SYNRG: variants seen among roughly 807,000 people sequenced by gnomAD.
The protein encoded by SYNRG is synergin gamma.
Under a neutral mutation model 130.9 loss-of-function variants are expected in SYNRG, and 37 were observed. The observed-to-expected ratio is 0.28, with a 90% confidence interval of 0.22 to 0.37. The LOEUF (loss-of-function observed/expected upper bound fraction) is 0.37, where lower values mean the gene tolerates loss of function less well. Among genes scored for constraint, SYNRG ranks in the 10% least tolerant of loss-of-function variants. The pLI, the probability that SYNRG is intolerant of heterozygous loss-of-function variation, is 1.00. For synonymous variants in SYNRG, 539 were observed against 568.1 expected (o/e 0.95, Z 0.73); for missense variants, 1,338 against 1,588.9 (o/e 0.84, Z 2.68).
intron 14 of SYNRG, among the ~76,000 whole-genome samples, chr17:37,550,323 T>C (rs2058614452): frequency 6.6e-6 from 1 of 152,188 alleles, no homozygotes; most frequent in Admixed American, 6.5e-5. Flanking sequence ...ATTAATGGAA[T>C]TATAAGAAAC....
intron 2 of SYNRG, among the ~76,000 whole-genome samples, chr17:37,598,516 T>C (rs2062979433): frequency 6.6e-6 from 1 of 152,234 alleles, no homozygotes; most frequent in African/African-American, 2.4e-5. Context: ...GTAACTCAGA[T>C]ATCTGGCATA....
At chr17:37,579,933 TG>T (rs1373878763) in intron 6 of SYNRG, among the ~76,000 whole-genome samples, 9 of 152,146 alleles carry the variant, frequency 5.9e-5, no homozygotes, top group Non-Finnish European at 1.5e-5. Context: ...TTGCCCAAGC[TG>T]GTCTCGAGCT....
intron 1 of SYNRG, among the ~76,000 whole-genome samples, chr17:37,603,330 C>A (rs569473693): frequency 6.6e-6 from 1 of 152,098 alleles, no homozygotes; most frequent in East Asian, 1.9e-4. Flanking sequence ...ATAGTGAGAC[C>A]TCATCTCTCC....
chr17:37,516,706 A>G lies in SYNRG; in HGVS notation c.*2234T>C, dbSNP rs2054452186. On this transcript the variant is annotated 3_prime_UTR_variant, in exon 22 of 22. Coordinates refer to ENST00000612223, the MANE Select transcript of SYNRG (RefSeq NM_007247.6). Reference sequence around the variant, plus strand: ...AGAGACAGTGTCTCGCTCTGTCATCACCTACGCTGTCACGTGCAGCCTCAA... The same window carrying G: ...AGAGACAGTGTCTCGCTCTGTCATCGCCTACGCTGTCACGTGCAGCCTCAA... 6.7e-6 allele frequency: 1 copy of G among 148,306 alleles called. No homozygotes were observed. Among genetic ancestry groups the G allele is most frequent in the African/African-American group, 2.5e-5 (1 of 39,974 alleles). 9.2% of individuals were successfully genotyped at this position (148,306 alleles called of 1,614,324 possible).
chr17:37,579,485 GA>G, intron 6 of SYNRG: 1 of 1,251,058 alleles, frequency 8.0e-7, no homozygotes. Context: ...AACCAACAGA[GA>G]AAAAGGAATT....
intron 3 of SYNRG, among the ~76,000 whole-genome samples, chr17:37,591,640 A>C (rs2062201926): frequency 6.6e-6 from 1 of 152,212 alleles, no homozygotes; most frequent in South Asian, 2.1e-4. Context: ...AACCTAGAGA[A>C]AGATCCATAC....
At chr17:37,557,914 CT>C (rs1269181992) in intron 13 of SYNRG, among the ~76,000 whole-genome samples, 1 of 152,136 alleles carries the variant, frequency 6.6e-6, no homozygotes, top group African/African-American at 2.4e-5. Flanking sequence ...ACACCACTGT[CT>C]TTTCCTATTG....
In SYNRG at chr17:37,517,530, A is replaced by G. The variant is rs1240689860; in HGVS notation, c.*1410T>C. The G allele has an allele frequency of 6.6e-6, 1 of 152,040 alleles. No individual in the cohort carries two copies. Among genetic ancestry groups the G allele is most frequent in the East Asian group, 1.9e-4 (1 of 5,156 alleles). The allele number at this position is 152,040 out of a possible 1,614,324, so 9.4% of individuals were successfully genotyped here. On this transcript the variant is annotated 3_prime_UTR_variant, in exon 22 of 22. Transcript: ENST00000612223. ...AGAAGGTCAAGCAGAAGCCTCAGCA[A>G]CAGCTGTTTAATGAAAATGTTCCAC... is the stretch of plus-strand genomic sequence containing the variant.
intron 14 of SYNRG, among the ~76,000 whole-genome samples, chr17:37,548,005 A>G (rs2058417761): frequency 6.6e-6 from 1 of 152,254 alleles, no homozygotes; most frequent in South Asian, 2.1e-4. Flanking sequence ...TACCTCCCTA[A>G]AAAGTAATGT....
At chr17:37,536,491 C>T (rs568579370) in intron 18 of SYNRG, 7 of 209,000 alleles carry the variant, frequency 3.3e-5, no homozygotes, top group Admixed American at 1.2e-4. Context: ...AAAAGGCTTA[C>T]AACAGTGCTT....
intron 6 of SYNRG, among the ~76,000 whole-genome samples, chr17:37,579,934 G>T (rs1598478651): frequency 6.6e-6 from 1 of 151,652 alleles, no homozygotes; most frequent in East Asian, 1.9e-4. Flanking sequence ...TGCCCAAGCT[G>T]GTCTCGAGCT....
chr17:37,554,548 A>C (rs1341100376), intron 13 of SYNRG, among the ~76,000 whole-genome samples: 1 of 152,280 alleles, frequency 6.6e-6, no homozygotes, highest in Non-Finnish European at 1.5e-5. Context: ...TTCAGGATGT[A>C]CAACACTTGG....
chr17:37,518,598 C>T lies in SYNRG; in HGVS notation c.*342G>A, dbSNP rs1382151817. 11 of 237,928 alleles carry T rather than the reference C, an allele frequency of 4.6e-5. No homozygotes were observed. The highest frequency in any genetic ancestry group is 8.9e-5 in the Non-Finnish European group (11 of 122,908). 14.7% of individuals were successfully genotyped at this position (237,928 alleles called of 1,614,324 possible). On this transcript the variant is annotated 3_prime_UTR_variant, in exon 22 of 22. Transcript: ENST00000612223. Reference sequence around the variant, plus strand: ...TCCAAGCAGTCGCCCATTCTAGTCCCGCAACGGTAATCTATTTTTCTTCAA... The same window carrying T: ...TCCAAGCAGTCGCCCATTCTAGTCCTGCAACGGTAATCTATTTTTCTTCAA...
chr17:37,587,601 C>G (rs1332963416), intron 3 of SYNRG, among the ~76,000 whole-genome samples: 2 of 152,180 alleles, frequency 1.3e-5, no homozygotes, highest in African/African-American at 4.8e-5. Flanking sequence ...CATCTACTAT[C>G]CGATCTTGTT....
At chr17:37,600,014 T>C (rs1298341105) in intron 2 of SYNRG, among the ~76,000 whole-genome samples, 1 of 152,202 alleles carries the variant, frequency 6.6e-6, no homozygotes, top group African/African-American at 2.4e-5. Flanking sequence ...GAAGACTAGA[T>C]AGAAGGAGAA....
intron 15 of SYNRG, chr17:37,541,141 A>T: frequency 1.0e-6 from 1 of 985,440 alleles, no homozygotes; most frequent in Non-Finnish European, 1.2e-6. Flanking sequence ...TGGAGAACAA[A>T]AGCACCTTTC....
chr17:37,596,283 C>A lies in SYNRG; in HGVS notation c.180G>T (p.Met60Ile), dbSNP rs1396559908. The A allele has an allele frequency of 3.7e-6, 6 of 1,614,050 alleles. No individual in the cohort carries two copies. Among genetic ancestry groups the A allele is most frequent in the Non-Finnish European group, 5.1e-6 (6 of 1,180,004 alleles). Residue 60 changes from methionine (M) to isoleucine (I), a missense_variant, in exon 3 of 22, where the codon ATG (methionine) becomes ATT (isoleucine). Met to Ile is a conservative substitution (Grantham distance 10, BLOSUM62 1). Transcript: ENST00000612223. ...TGTAATTCATTCCCATAATGCCTTG[C>A]ATATTAGGCTGCATGACAGAGACCA... ...FPMVSVMQPN[M>I]QGIMGMNYSS...
intron 14 of SYNRG, among the ~76,000 whole-genome samples, chr17:37,551,396 A>G (rs1256756356): frequency 1.3e-5 from 2 of 152,326 alleles, no homozygotes. Flanking sequence ...GGGAGGAAAC[A>G]ATCTGCTTTT....
chr17:37,538,347 G>A lies in SYNRG; in HGVS notation c.3494C>T (p.Ala1165Val), dbSNP rs1364064328. ...ACCTAATAAATATTCCATGCCTTGA[G>A]CTGACTGAATTACTTCTGTGCAAAC... ...SSVCTEVIQS[A>V]QGMEYLLGVV... is the part of the protein sequence containing the mutation. The change falls in exon 18 of 22, where the codon GCT (alanine) becomes GTT (valine). Residue 1165 changes from alanine to valine, a missense_variant. Physicochemically the swap from Ala to Val is moderately conservative, Grantham distance 64. This residue lies in a region of SYNRG where 1,146 missense variants were observed against 1,342.3 expected (regional missense o/e 0.85). Coordinates refer to ENST00000612223, the MANE Select transcript of SYNRG (RefSeq NM_007247.6). 6.2e-7 allele frequency: 1 copy of A among 1,609,612 alleles called. No individual in the cohort carries two copies. Among genetic ancestry groups the A allele is most frequent in the African/African-American group, 1.3e-5 (1 of 74,706 alleles).
Sources: allele counts gnomAD v4.1 joint callset (sites outside exome capture counted in the v4.1 genomes callset), GRCh38; gene constraint gnomAD v4.1.1; regional missense constraint gnomAD v4.1.1; transcripts MANE v1.5; gene names NCBI Gene and HGNC (gene_info 2026-07-23, HGNC 2026-07-21).